The following PTPRD variants were observed in gnomAD, a reference collection of about 807,000 sequenced individuals.
PTPRD encodes the protein protein tyrosine phosphatase receptor type D.
Under a neutral mutation model 214.5 loss-of-function variants are expected in PTPRD, and 34 were observed. That is an observed-to-expected ratio of 0.16 (90% CI 0.12 to 0.21). The LOEUF (loss-of-function observed/expected upper bound fraction) is 0.21, where lower values mean the gene tolerates loss of function less well. PTPRD is among the 10% of genes least tolerant of loss of function. The probability of loss-of-function intolerance (pLI) is 1.00; values close to 1 mark genes in which losing one functional copy is unlikely to be tolerated. For missense variants in PTPRD, 2,545 were observed against 2,398.7 expected (o/e 1.06, Z -1.27); for synonymous variants, 1,128 against 845.7 (o/e 1.33, Z -5.79).
chr9:9,868,679 T>G lies in PTPRD; in HGVS notation c.-368+69828A>C, dbSNP rs561330813. The stretch of plus-strand genomic sequence containing the variant: ...TTGGCTAGTTTCAAGCAGGGTATTA[T>G]GAGGAAAGATACACACCTAGGAATA... On this transcript the variant is annotated intron_variant, in intron 5 of 45. Transcript: ENST00000381196. Among the ~76,000 whole-genome samples, 140 of 151,086 alleles carry G rather than the reference T, an allele frequency of 9.3e-4. 3 individuals are homozygous for G. Among genetic ancestry groups the G allele is most frequent in the Non-Finnish European group, 2.8e-4 (19 of 67,990 alleles).
intron 4 of PTPRD, among the ~76,000 whole-genome samples, chr9:9,961,157 T>A (rs868487948): frequency 6.6e-6 from 1 of 152,168 alleles, no homozygotes. Flanking sequence ...TATATATGCA[T>A]ATATTTAAAA....
chr9:9,809,903 A>G (rs1004804941), intron 5 of PTPRD, among the ~76,000 whole-genome samples: 2 of 152,184 alleles, frequency 1.3e-5, no homozygotes, highest in Non-Finnish European at 2.9e-5. Flanking sequence ...GTGGCAGTTA[A>G]CAATAGAAGC....
chr9:10,347,701 C>T (rs2097111193), intron 2 of PTPRD, among the ~76,000 whole-genome samples: 1 of 151,992 alleles, frequency 6.6e-6, no homozygotes. Context: ...TGAGTCACTG[C>T]ACCCGGCCAG....
At chr9:10,201,319 A>T (rs147133576) in intron 3 of PTPRD, among the ~76,000 whole-genome samples, 160 of 152,202 alleles carry the variant, frequency 1.1e-3, no homozygotes, top group African/African-American at 3.8e-3. Context: ...TAGTTATGGC[A>T]TTAGTTATAA....
intron 33 of PTPRD, chr9:8,460,170 T>G: frequency 1.9e-6 from 1 of 528,824 alleles, no homozygotes; most frequent in Non-Finnish European, 3.4e-6. Flanking sequence ...CTCAGAAGAT[T>G]GGAGGCCAGA....
chr9:8,600,899 A>T (rs1233352621), intron 14 of PTPRD, among the ~76,000 whole-genome samples: 5 of 152,036 alleles, frequency 3.3e-5, no homozygotes, highest in African/African-American at 9.7e-5. Flanking sequence ...AATAAAAAAG[A>T]AACTTTGTCT....
At chr9:10,586,000 A>G (rs1329383670) in intron 2 of PTPRD, among the ~76,000 whole-genome samples, 1 of 152,108 alleles carries the variant, frequency 6.6e-6, no homozygotes, top group Admixed American at 6.5e-5. Context: ...GTACAAAGCT[A>G]TAAATCTAAA....
At chr9:8,555,082 A>G (rs1337826484) in intron 14 of PTPRD, among the ~76,000 whole-genome samples, 1 of 152,176 alleles carries the variant, frequency 6.6e-6, no homozygotes, top group Non-Finnish European at 1.5e-5. Flanking sequence ...ATTATAATTT[A>G]CTAACTTCCC....
At chr9:8,526,554 C>G in intron 17 of PTPRD, 73 bp downstream of exon 17, 1 of 1,343,470 alleles carries the variant, frequency 7.4e-7, no homozygotes, top group Non-Finnish European at 1.0e-6. Context: ...GAAAACAGGA[C>G]AAAGATGAGA....
intron 39 of PTPRD, among the ~76,000 whole-genome samples, chr9:8,352,832 C>A (rs2075885402): frequency 6.6e-6 from 1 of 152,052 alleles, no homozygotes; most frequent in Non-Finnish European, 1.5e-5. Context: ...GCTATTATTG[C>A]CCAGGCATGG....
At chr9:8,349,606 T>G (rs2074858451) in intron 39 of PTPRD, among the ~76,000 whole-genome samples, 1 of 152,148 alleles carries the variant, frequency 6.6e-6, no homozygotes, top group Admixed American at 6.6e-5. Flanking sequence ...CACCCTTATT[T>G]TTATCTGTTT....
At chr9:10,016,321 C>T (rs955198725) in intron 4 of PTPRD, among the ~76,000 whole-genome samples, 1 of 151,444 alleles carries the variant, frequency 6.6e-6, no homozygotes, top group Non-Finnish European at 1.5e-5. Flanking sequence ...AGTAGCCATC[C>T]GTGTGTCCAG....
intron 10 of PTPRD, among the ~76,000 whole-genome samples, chr9:9,042,930 C>G (rs1032462142): frequency 6.6e-6 from 1 of 152,060 alleles, no homozygotes; most frequent in Admixed American, 6.6e-5. Flanking sequence ...AGTTGGGTAT[C>G]CGACACTCAT....
At chr9:9,237,497 T>C (rs2099967581) in intron 9 of PTPRD, among the ~76,000 whole-genome samples, 1 of 152,134 alleles carries the variant, frequency 6.6e-6, no homozygotes, top group South Asian at 2.1e-4. Context: ...AAAACCGACA[T>C]GTGCCCTGAA....
chr9:8,587,636 TTC>T (rs1564543880), intron 14 of PTPRD, among the ~76,000 whole-genome samples: 1 of 152,224 alleles, frequency 6.6e-6, no homozygotes, highest in Non-Finnish European at 1.5e-5. Context: ...AGACTAAAAG[TTC>T]TCTTATATCC....
intron 9 of PTPRD, among the ~76,000 whole-genome samples, chr9:9,209,281 T>C (rs143305408): frequency 2.0e-5 from 3 of 152,286 alleles, no homozygotes; most frequent in African/African-American, 7.2e-5. Flanking sequence ...ATTCAGACTG[T>C]GGGTCAAACA....
chr9:9,204,030 G>A (rs990109932), intron 9 of PTPRD, among the ~76,000 whole-genome samples: 1 of 152,102 alleles, frequency 6.6e-6, no homozygotes, highest in Non-Finnish European at 1.5e-5. Flanking sequence ...TGAGAATTTT[G>A]CCCTGAGTGA....
chr9:9,953,097 T>C (rs2093600100), intron 4 of PTPRD, among the ~76,000 whole-genome samples: 1 of 152,160 alleles, frequency 6.6e-6, no homozygotes, highest in East Asian at 1.9e-4. Flanking sequence ...ACATCATATG[T>C]CTATTAGATT....
chr9:10,400,574 C>G (rs2098253132), intron 2 of PTPRD, among the ~76,000 whole-genome samples: 1 of 151,434 alleles, frequency 6.6e-6, no homozygotes, highest in African/African-American at 2.4e-5. Context: ...GAATTTGCAT[C>G]ACTTCAGGCA....
Sources: gnomAD v4.1 joint callset for allele counts (sites outside exome capture counted in the v4.1 genomes callset) on GRCh38, gnomAD v4.1.1 for gene constraint, MANE v1.5 for transcripts, NCBI Gene and HGNC (gene_info 2026-07-23, HGNC 2026-07-21) for gene names.